COL25A1: variants seen among roughly 807,000 people sequenced by gnomAD.
The protein encoded by COL25A1 is collagen alpha-1(XXV) chain.
Under a neutral mutation model 128.4 loss-of-function variants are expected in COL25A1, and 103 were observed. The observed-to-expected ratio is 0.80, with a 90% CI of 0.68 to 0.94. COL25A1 has a LOEUF of 0.94. COL25A1 is among the 40% of genes least tolerant of loss of function. COL25A1 has a pLI of 0.00. For missense variants in COL25A1, 745 were observed against 840.0 expected (o/e 0.89, Z 1.40); for synonymous variants, 279 against 277.2 (o/e 1.01, Z -0.06).
chr4:109,181,182 G>A (rs1774596336), intron 3 of COL25A1, among the ~76,000 whole-genome samples: 1 of 152,022 alleles, frequency 6.6e-6, no homozygotes, highest in Non-Finnish European at 1.5e-5. Context: ...TAATCCTCTG[G>A]TTCTAGAATT....
chr4:109,097,382 G>A (rs1183514754), intron 3 of COL25A1, among the ~76,000 whole-genome samples: 1 of 150,938 alleles, frequency 6.6e-6, no homozygotes, highest in Non-Finnish European at 1.5e-5. Context: ...AGGCAGGAGG[G>A]TCACTTGAGA....
chr4:109,268,581 A>T (rs1252686481), intron 3 of COL25A1, among the ~76,000 whole-genome samples: 1 of 152,200 alleles, frequency 6.6e-6, no homozygotes, highest in African/African-American at 2.4e-5. Context: ...AAAATATTCT[A>T]AAATTAAATA....
chr4:109,302,125 T>C, intron 1 of COL25A1, 44 bp downstream of exon 1: 4 of 1,381,752 alleles, frequency 2.9e-6, no homozygotes, highest in Non-Finnish European at 3.8e-6. Flanking sequence ...TCCCTGTGGC[T>C]GCACAACTAG....
chr4:108,908,056 G>A lies in COL25A1; in HGVS notation c.781-6884C>T, dbSNP rs140047429. On this transcript the variant is annotated intron_variant, in intron 13 of 37. Transcript: ENST00000399132. ...CTGCTCTTGTTGTTGTTGGACTAAAGACGTTACCTGTTCATTCTTTATTTC... is the reference window on the plus strand; with the variant it reads ...CTGCTCTTGTTGTTGTTGGACTAAAAACGTTACCTGTTCATTCTTTATTTC... Among the ~76,000 whole-genome samples, 590 of 152,272 alleles carry A rather than the reference G, an allele frequency of 3.9e-3. 1 individual carries two copies. Among genetic ancestry groups the A allele is most frequent in the Non-Finnish European group, 7.0e-3 (478 of 68,026 alleles).
At chr4:109,192,859 TAA>T (rs528185836) in intron 3 of COL25A1, among the ~76,000 whole-genome samples, 1 of 131,430 alleles carries the variant, frequency 7.6e-6, no homozygotes, top group Admixed American at 7.6e-5. Flanking sequence ...GTCTCAAAAT[TAA>T]AAAAAAAAAA....
intron 6 of COL25A1, among the ~76,000 whole-genome samples, chr4:108,980,642 T>G (rs1752885752): frequency 6.6e-6 from 1 of 152,238 alleles, no homozygotes; most frequent in South Asian, 2.1e-4. Flanking sequence ...TAGTCATAAC[T>G]GCCTCCCCTC....
intron 6 of COL25A1, among the ~76,000 whole-genome samples, chr4:109,007,083 AAAAT>A (rs1273127248): frequency 6.6e-6 from 1 of 152,196 alleles, no homozygotes; most frequent in African/African-American, 2.4e-5. Flanking sequence ...AAGATAAATA[AAAAT>A]AAATAAAACC....
intron 3 of COL25A1, among the ~76,000 whole-genome samples, chr4:109,214,627 C>CTG (rs57761066): frequency 0.36 from 54,804 of 151,576 alleles, 10,954 homozygotes; most frequent in African/African-American, 0.52. Context: ...TATATATAAT[C>CTG]TAAAACAAGT....
intron 11 of COL25A1, among the ~76,000 whole-genome samples, chr4:108,930,405 G>T (rs1746587569): frequency 6.6e-6 from 1 of 152,108 alleles, no homozygotes; most frequent in African/African-American, 2.4e-5. Flanking sequence ...AGAATTCTCT[G>T]CCCCAATGAC....
chr4:108,835,894 C>T (rs1262746648), intron 31 of COL25A1, among the ~76,000 whole-genome samples: 2 of 68,842 alleles, frequency 2.9e-5, no homozygotes, highest in East Asian at 3.9e-4. Flanking sequence ...TTTTTTGAGA[C>T]GGACTCTCGC....
intron 3 of COL25A1, among the ~76,000 whole-genome samples, chr4:109,104,022 A>C (rs1163909218): frequency 6.6e-6 from 1 of 152,206 alleles, no homozygotes; most frequent in Non-Finnish European, 1.5e-5. Context: ...TTTTAACAGA[A>C]AATTTTTTAT....
At chr4:108,997,855 C>A (rs889470458) in intron 6 of COL25A1, among the ~76,000 whole-genome samples, 1 of 152,140 alleles carries the variant, frequency 6.6e-6, no homozygotes, top group South Asian at 2.1e-4. Flanking sequence ...ATCAAGTAAA[C>A]AGAACCAATG....
At chr4:108,909,681 T>G (rs906561403) in intron 13 of COL25A1, among the ~76,000 whole-genome samples, 1 of 152,206 alleles carries the variant, frequency 6.6e-6, no homozygotes, top group Admixed American at 6.5e-5. Flanking sequence ...TCACGAAAGA[T>G]AGCTAAATTG....
At chr4:108,876,611 A>G (rs963255382) in intron 19 of COL25A1, among the ~76,000 whole-genome samples, 1 of 152,216 alleles carries the variant, frequency 6.6e-6, no homozygotes, top group Non-Finnish European at 1.5e-5. Context: ...ATTATTTATC[A>G]GAACCCTTAA....
At chr4:108,831,719 C>A (rs929258888) in intron 32 of COL25A1, among the ~76,000 whole-genome samples, 1 of 146,430 alleles carries the variant, frequency 6.8e-6, no homozygotes, top group Admixed American at 6.7e-5. Flanking sequence ...AGAGAGAGCG[C>A]ATGCATGAGA....
intron 3 of COL25A1, among the ~76,000 whole-genome samples, chr4:109,279,121 TGGGGGAAGAC>T (rs1723120262): frequency 8.0e-6 from 1 of 124,944 alleles, no homozygotes; most frequent in African/African-American, 3.1e-5. Flanking sequence ...GGCGGGGGGA[TGGGGGAAGAC>T]ACAGACACCC....
chr4:109,020,512 G>C lies in COL25A1; in HGVS notation c.421-10137C>G, dbSNP rs972843652. On this transcript the variant is annotated intron_variant, in intron 5 of 37. Coordinates refer to ENST00000399132, the MANE Select transcript of COL25A1 (RefSeq NM_198721.4). ...ATGAGCATGGAGATTATTATGGGGG[G>C]GGGGGGGTTCAACATAAAAAACAAG... 3.6e-5 allele frequency among the ~76,000 whole-genome samples: 5 copies of C among 139,652 alleles called. No individual in the cohort carries two copies. In the South Asian group the frequency reaches 1.1e-3, roughly 30 times the overall value. The allele number at this position is 139,652 out of a possible 152,430, so 91.6% of individuals were successfully genotyped here.
chr4:109,205,676 G>A (rs553534480), intron 3 of COL25A1, among the ~76,000 whole-genome samples: 2 of 152,146 alleles, frequency 1.3e-5, no homozygotes, highest in African/African-American at 4.8e-5. Context: ...TATCTTGATT[G>A]TCATTGTATT....
chr4:108,921,419 C>T (rs974590874), intron 11 of COL25A1, among the ~76,000 whole-genome samples: 1 of 151,994 alleles, frequency 6.6e-6, no homozygotes, highest in African/African-American at 2.4e-5. Context: ...TTAAATACAA[C>T]TATTAAGCAT....
Sources: gnomAD v4.1 joint callset for allele counts (sites outside exome capture counted in the v4.1 genomes callset) on GRCh38, gnomAD v4.1.1 for gene constraint, MANE v1.5 for transcripts, NCBI Gene and HGNC (gene_info 2026-07-23, HGNC 2026-07-21) for gene names.